The following MYH6 variants were observed in gnomAD, a reference collection of about 807,000 sequenced individuals.
The protein encoded by MYH6 is myosin-6.
A neutral mutation model predicts 223.2 loss-of-function variants in MYH6; 126 were observed. That is an observed-to-expected ratio of 0.56 (90% CI 0.49 to 0.65). The LOEUF (loss-of-function observed/expected upper bound fraction) is 0.65, where lower values mean the gene tolerates loss of function less well. MYH6 is among the 30% of genes least tolerant of loss of function. The pLI, the probability that MYH6 is intolerant of heterozygous loss-of-function variation, is 0.00. For missense variants in MYH6, 2,040 were observed against 2,536.4 expected, an observed-to-expected ratio of 0.80 and a Z score of 4.20; for synonymous variants, 978 against 1,010.2, an observed-to-expected ratio of 0.97 and a Z score of 0.61.
Position 23,397,009 on chromosome 14 carries a change from T to C in MYH6, c.2122A>G (p.Arg708Gly). 6.2e-7 allele frequency: 1 copy of C among 1,613,842 alleles called. No homozygotes were observed. The highest frequency in any genetic ancestry group is 8.5e-7 in the Non-Finnish European group (1 of 1,180,028). The change falls in exon 18 of 39, where the codon AGG becomes GGG. Residue 708 changes from arginine (R) to glycine (G), a missense_variant. Arg to Gly is a moderately radical substitution (Grantham distance 125). Transcript: ENST00000405093. ...NGVLEGIRIC[R>G]KGFPNRILYG... ...AGGATGCGGTTGGGGAAGCCCTTCC[T>C]GCAGATGCGGATGCCCTCCAGCACG...
At chr14:23,393,566 G>C in intron 22 of MYH6, 48 bp from the exon 23 acceptor site, 1 of 1,613,950 alleles carries the variant, frequency 6.2e-7, no homozygotes, top group Non-Finnish European at 8.5e-7. Flanking sequence ...TCACCAGCCT[G>C]GAGACATCTA....
chr14:23,391,585 A>G (rs1891237933), intron 25 of MYH6, among the ~76,000 whole-genome samples: 1 of 152,238 alleles, frequency 6.6e-6, no homozygotes, highest in African/African-American at 2.4e-5. Context: ...AGCCTGGGCC[A>G]TGGGCCTCAA....
intron 19 of MYH6, 79 bp from the exon 20 acceptor site, chr14:23,396,499 A>G: frequency 1.3e-6 from 2 of 1,587,620 alleles, no homozygotes; most frequent in South Asian, 2.2e-5. Flanking sequence ...ATGAGCTCCC[A>G]GGTGACCCAT....
chr14:23,388,687 G>T (rs755924225), intron 29 of MYH6, 172 bp downstream of exon 29: 2 of 1,127,480 alleles, frequency 1.8e-6, no homozygotes, highest in African/African-American at 1.5e-5. Context: ...GTCAGGGCCA[G>T]CCAGAGTTCA....
In MYH6 at chr14:23,390,066, G is replaced by C; in HGVS notation, c.3723C>G (p.Ile1241Met). The stretch of plus-strand genomic sequence containing the variant: ...GCCGAGCAGAGCCTGCCTTGGCCTT[G>C]ATGATCTGCTCCATGTTGGAGGTGA... ...DDVTSNMEQI[I>M]KAKANLEKVS... Residue 1241 changes from isoleucine to methionine, a missense_variant, in exon 26 of 39, where the codon ATC becomes ATG. Coordinates refer to ENST00000405093, the MANE Select transcript of MYH6 (RefSeq NM_002471.4). 1 of 1,613,376 alleles carries C rather than the reference G, an allele frequency of 6.2e-7. No individual in the cohort carries two copies. The highest frequency in any genetic ancestry group is 1.3e-5 in the African/African-American group (1 of 74,992).
Position 23,383,339 on chromosome 14 carries a change from G to GGGGGGGCCCCCCCCCCCCC in MYH6, c.5566-20_5566-19insGGGGGGGGGGGGGCCCCCC. The GGGGGGGCCCCCCCCCCCCC allele has an allele frequency of 1.8e-5, 2 of 108,176 alleles. No individual in the cohort carries two copies. The highest frequency in any genetic ancestry group is 2.3e-4 in the East Asian group (1 of 4,410). The allele number at this position is 108,176 out of a possible 1,614,324, so 6.7% of individuals were successfully genotyped here. On this transcript the variant is annotated intron_variant, in intron 36 of 38. Coordinates refer to ENST00000405093, the MANE Select transcript of MYH6 (RefSeq NM_002471.4). The stretch of plus-strand genomic sequence containing the variant: ...CCTCTGTCTGGGGGTGGGAGGGTGG[G>GGGGGGGCCCCCCCCCCCCC]AGAAGCTGGTTTGGAGGGGGAGCAA...
chr14:23,398,013 T>TTCC (rs1891480419), intron 15 of MYH6, among the ~76,000 whole-genome samples: 1 of 129,320 alleles, frequency 7.7e-6, no homozygotes, highest in Non-Finnish European at 1.7e-5. Context: ...CTTCTTCTTC[T>TTCC]TCTTCTTCTT....
Position 23,382,411 on chromosome 14 carries a change from C to T in MYH6, c.5796+17G>A. The stretch of plus-strand genomic sequence containing the variant: ...CTAATGTGGAAGTGACTAGTGAAGC[C>T]CAGGGGAGGGACCCACCTTGGCACC... On this transcript the variant is annotated intron_variant, in intron 38 of 38. Coordinates refer to ENST00000405093, the MANE Select transcript of MYH6 (RefSeq NM_002471.4). The T allele has an allele frequency of 6.2e-7, 1 of 1,613,964 alleles. No homozygotes were observed. The highest frequency in any genetic ancestry group is 1.1e-5 in the South Asian group (1 of 91,070).
intron 26 of MYH6, 40 bp from the exon 27 acceptor site, chr14:23,389,759 C>G (rs1184311901): frequency 6.2e-7 from 1 of 1,613,970 alleles, no homozygotes; most frequent in Admixed American, 1.7e-5. Flanking sequence ...GTGGGAGGGG[C>G]TGAGTCGACC....
chr14:23,385,739 C>G (rs1476610075), intron 34 of MYH6, among the ~76,000 whole-genome samples, 189 bp downstream of exon 34: 1 of 152,168 alleles, frequency 6.6e-6, no homozygotes, highest in Non-Finnish European at 1.5e-5. Context: ...TCATGACCCT[C>G]TTAGCTTCTA....
chr14:23,400,474 G>A (rs775201935), intron 13 of MYH6, 48 bp from the exon 14 acceptor site: 12 of 1,613,424 alleles, frequency 7.4e-6, no homozygotes, highest in Middle Eastern at 1.6e-4. Flanking sequence ...GGGTGTGAGT[G>A]GCCATTGGGG....
At position 23,404,586 on chromosome 14, in the gene MYH6, G is replaced by A. The variant is rs552432422; in HGVS notation, c.642+125C>T. 6 of 1,115,688 alleles carry A rather than the reference G, an allele frequency of 5.4e-6. No individual in the cohort carries two copies. In the East Asian group the frequency reaches 1.5e-4, roughly 28 times the overall value. The allele number at this position is 1,115,688 out of a possible 1,614,324, so 69.1% of individuals were successfully genotyped here. ...TCAGGAAGGTCTTCCATACTGGGCTGACCATCGGGAGCCCAGCTCAGTGTG... is the reference window on the plus strand; with the variant it reads ...TCAGGAAGGTCTTCCATACTGGGCTAACCATCGGGAGCCCAGCTCAGTGTG... On this transcript the variant is annotated intron_variant, in intron 7 of 38. Coordinates refer to ENST00000405093, the MANE Select transcript of MYH6 (RefSeq NM_002471.4).
rs776016900 is a variant in MYH6, at chr14:23,393,535, C to T, written c.2929-17G>A. On this transcript the variant is annotated splice_polypyrimidine_tract_variant and intron_variant, in intron 22 of 38. Transcript: ENST00000405093. ...GTTCTTCACCTGCCGACCAAAAACC[C>T]ATCCCCTTTAGGGTCAAAGATCACC... 23 of 1,614,056 alleles carry T rather than the reference C, an allele frequency of 1.4e-5. No homozygotes were observed. Among genetic ancestry groups the T allele is most frequent in the Non-Finnish European group, 1.9e-5 (23 of 1,180,038 alleles).
In MYH6 at chr14:23,385,348, A is replaced by G. The variant is rs775697859; in HGVS notation, c.5164-307T>C. ...ATGACAATATTCCAAGGAAGATGGA[A>G]ACAACTTTTTACCAGGACAATATTC... On this transcript the variant is annotated intron_variant, in intron 34 of 38. Transcript: ENST00000405093. Among the ~76,000 whole-genome samples the G allele has an allele frequency of 2.6e-4, 39 of 151,850 alleles. No homozygotes were observed. The South Asian group carries it at 4.0e-3, about 16-fold the overall frequency.
chr14:23,392,472 A>T (rs1891261518), intron 25 of MYH6, 90 bp downstream of exon 25: 3 of 1,012,210 alleles, frequency 3.0e-6, no homozygotes, highest in Non-Finnish European at 4.8e-6. Flanking sequence ...GGAGTTCCAG[A>T]TATTGTGTAG....
In MYH6 at chr14:23,397,285, G is replaced by A. The variant is rs1275287903; in HGVS notation, c.1963-28C>T. 3.1e-6 allele frequency: 5 copies of A among 1,599,368 alleles called. No homozygotes were observed. In the Admixed American group the frequency reaches 8.3e-5, roughly 27 times the overall value. ...GGAGGCAGATGAAGGTGGGGAGTTA[G>A]GAGCCACAAGGACCATCCCTTAGGC... On this transcript the variant is annotated intron_variant, in intron 16 of 38. Transcript: ENST00000405093.
intron 28 of MYH6, 132 bp from the exon 29 acceptor site, chr14:23,389,187 TTG>T: frequency 8.1e-7 from 1 of 1,240,254 alleles, no homozygotes; most frequent in Non-Finnish European, 1.1e-6. Flanking sequence ...ACCTCACTGT[TTG>T]AGGAGTTTCC....
chr14:23,407,703 G>T lies in MYH6; in HGVS notation c.-46-95C>A. The T allele has an allele frequency of 1.1e-6, 1 of 922,942 alleles. No individual in the cohort carries two copies. Among genetic ancestry groups the T allele is most frequent in the Non-Finnish European group, 1.3e-6 (1 of 752,666 alleles). The allele number at this position is 922,942 out of a possible 1,614,324, so 57.2% of individuals were successfully genotyped here. On this transcript the variant is annotated intron_variant, in intron 1 of 38. Coordinates refer to ENST00000405093, the MANE Select transcript of MYH6 (RefSeq NM_002471.4). The surrounding 1 kb of genome is among the most constrained non-coding windows in gnomAD (Gnocchi z 5.6). ...GAAGAACAACAGAGGCAGGCCACCCGGGGATGGAGGCAGCCCCAGAGCGCA... is the reference window on the plus strand; with the variant it reads ...GAAGAACAACAGAGGCAGGCCACCCTGGGATGGAGGCAGCCCCAGAGCGCA...
intron 11 of MYH6, 40 bp downstream of exon 11, chr14:23,402,657 C>A: frequency 1.9e-6 from 3 of 1,613,580 alleles, no homozygotes; most frequent in Non-Finnish European, 2.5e-6. Context: ...CCAGGAGCTC[C>A]TGGGGTCCCT....
Sources: gnomAD v4.1 joint callset for allele counts (sites outside exome capture counted in the v4.1 genomes callset) on GRCh38, gnomAD v4.1.1 for gene constraint, Gnocchi (gnomAD v3.1) non-coding constraint, MANE v1.5 for transcripts, NCBI Gene and HGNC (gene_info 2026-07-23, HGNC 2026-07-21) for gene names.